PLCG2: variants seen among roughly 807,000 people sequenced by gnomAD.
PLCG2 encodes phospholipase C gamma 2.
A neutral mutation model predicts 175.6 loss-of-function variants in PLCG2; 69 were observed. The ratio of observed to expected loss-of-function variants is 0.39; its 90% CI spans 0.32 to 0.48. The LOEUF is 0.48. PLCG2 is among the 20% of genes least tolerant of loss of function. The probability of loss-of-function intolerance (pLI) is 0.91; values close to 1 mark genes in which losing one functional copy is unlikely to be tolerated. For synonymous variants in PLCG2, 827 were observed against 624.0 expected (o/e 1.33, Z -4.85); for missense variants, 1,798 against 1,650.9 (o/e 1.09, Z -1.54).
At chr16:81,872,648 GT>G (rs1162985831) in intron 7 of PLCG2, among the ~76,000 whole-genome samples, 5 of 152,386 alleles carry the variant, frequency 3.3e-5, no homozygotes, top group Admixed American at 2.0e-4. Context: ...GGCTGCTGTT[GT>G]TGCTGTCAGG....
chr16:81,899,755 A>T (rs9930679), intron 13 of PLCG2, among the ~76,000 whole-genome samples: 10,069 of 152,304 alleles, frequency 0.066, 381 homozygotes, highest in African/African-American at 0.082. Context: ...CACCTGTGTC[A>T]GATACGCTTG....
chr16:81,900,560 T>G (rs144809332), intron 13 of PLCG2, 52 bp from the exon 14 acceptor site: 64 of 1,511,032 alleles, frequency 4.2e-5, no homozygotes, highest in Admixed American at 2.4e-4. Flanking sequence ...GTGGGGCAGA[T>G]GCAGAGGTGT....
chr16:81,802,406 C>G (rs1911772218), intron 2 of PLCG2, among the ~76,000 whole-genome samples: 1 of 151,860 alleles, frequency 6.6e-6, no homozygotes, highest in Non-Finnish European at 1.5e-5. Context: ...GCCACCGCGC[C>G]CGGCCTCAGG....
At chr16:81,804,789 C>T (rs749451273) in intron 2 of PLCG2, among the ~76,000 whole-genome samples, 1 of 152,168 alleles carries the variant, frequency 6.6e-6, no homozygotes, top group Admixed American at 6.5e-5. Context: ...TCAGTTACCT[C>T]CTAAGAGGAA....
intron 3 of PLCG2, among the ~76,000 whole-genome samples, chr16:81,855,464 G>C (rs142470341): frequency 4.9e-3 from 747 of 152,322 alleles, no homozygotes; most frequent in Middle Eastern, 0.01. Context: ...TGTCAAAGTT[G>C]AGCAATATAG....
rs905546047 is a variant in PLCG2, at chr16:81,815,994, G to A, written c.193+29812G>A. Among the ~76,000 whole-genome samples the A allele has an allele frequency of 2.0e-5, 3 of 152,054 alleles. No individual in the cohort carries two copies. In the East Asian group the frequency reaches 5.8e-4, roughly 29 times the overall value. On this transcript the variant is annotated intron_variant, in intron 2 of 32. Transcript: ENST00000564138. The stretch of plus-strand genomic sequence containing the variant: ...AGAGAATTGCTTGAACCCGGGAGGT[G>A]GAGGTTGCGGTGAGCCGAGATTGTG...
chr16:81,935,915 A>G (rs890189715), intron 26 of PLCG2: 2 of 985,294 alleles, frequency 2.0e-6, no homozygotes, highest in African/African-American at 3.5e-5. Context: ...TAGTTTAAAA[A>G]AAAAAGTAAA....
At position 81,895,722 on chromosome 16, in the gene PLCG2, C is replaced by T. The variant is rs982443294; in HGVS notation, c.1073-85C>T. The T allele has an allele frequency of 3.4e-6, 5 of 1,490,508 alleles. No homozygotes were observed. In the African/African-American group the frequency reaches 6.9e-5, roughly 20 times the overall value. 92.3% of individuals were successfully genotyped at this position (1,490,508 alleles called of 1,614,324 possible). A position where few individuals can be genotyped will look rare whatever the true frequency, so the allele number is the denominator to read the frequency against. On this transcript the variant is annotated intron_variant, in intron 12 of 32. Coordinates refer to ENST00000564138, the MANE Select transcript of PLCG2 (RefSeq NM_002661.5). Reference sequence around the variant, plus strand: ...GAGTGTGGGTGTCCTTGTCTAGTAACTGAACTGGTGTGTGGGCCGGGGGCT... The same window carrying T: ...GAGTGTGGGTGTCCTTGTCTAGTAATTGAACTGGTGTGTGGGCCGGGGGCT...
Position 81,946,203 on chromosome 16 carries a change from G to A in PLCG2, c.3510G>A (p.Gly1170=), listed in dbSNP as rs1050757858. ...SGFRSVPLKN[G]YSEDIELASL... Reference sequence around the variant, plus strand: ...TCAGGTCCGTTCCTCTGAAGAATGGGTACAGCGAGGACATAGAGCTGGCTT... The same window carrying A: ...TCAGGTCCGTTCCTCTGAAGAATGGATACAGCGAGGACATAGAGCTGGCTT... Residue 1170 remains glycine, a synonymous_variant, in exon 31 of 33, where the codon GGG becomes GGA. Coordinates refer to ENST00000564138, the MANE Select transcript of PLCG2 (RefSeq NM_002661.5). The A allele has an allele frequency of 3.1e-6, 5 of 1,613,750 alleles. No homozygotes were observed. The highest frequency in any genetic ancestry group is 4.2e-6 in the Non-Finnish European group (5 of 1,179,782).
chr16:81,908,198 C>T (rs1422595431), intron 16 of PLCG2, among the ~76,000 whole-genome samples: 3 of 152,174 alleles, frequency 2.0e-5, no homozygotes, highest in Non-Finnish European at 1.5e-5. Flanking sequence ...TCTCAGGATG[C>T]CAGGAGGCCA....
chr16:81,897,570 G>C (rs1348971670), intron 13 of PLCG2, among the ~76,000 whole-genome samples: 2 of 138,176 alleles, frequency 1.4e-5, no homozygotes, highest in Non-Finnish European at 3.1e-5. Flanking sequence ...TTTTGAGATG[G>C]AGTCTCCCTC....
chr16:81,833,644 C>G (rs1459660615), intron 2 of PLCG2, among the ~76,000 whole-genome samples: 1 of 151,922 alleles, frequency 6.6e-6, no homozygotes, highest in Non-Finnish European at 1.5e-5. Context: ...ATGCTCCTAC[C>G]TCATCCTCCT....
At chr16:81,887,444 A>G (rs1390497929) in intron 9 of PLCG2, among the ~76,000 whole-genome samples, 1 of 152,116 alleles carries the variant, frequency 6.6e-6, no homozygotes, top group African/African-American at 2.4e-5. Flanking sequence ...ATATCCCACA[A>G]TTTGGGTTTC....
intron 1 of PLCG2, among the ~76,000 whole-genome samples, chr16:81,782,142 C>T (rs1686005147): frequency 1.3e-5 from 2 of 152,216 alleles, no homozygotes; most frequent in South Asian, 4.1e-4. Flanking sequence ...TCCCAAAGTG[C>T]TGGAATTACA....
At chr16:81,777,143 G>A (rs920187822), upstream of PLCG2, among the ~76,000 whole-genome samples, 5 of 152,210 alleles carry the variant, frequency 3.3e-5, no homozygotes, top group South Asian at 4.1e-4. Context: ...TGTTCTTCAT[G>A]TTCTTATTTT....
chr16:81,914,177 C>T (rs900297981), intron 19 of PLCG2, among the ~76,000 whole-genome samples: 5 of 152,234 alleles, frequency 3.3e-5, no homozygotes, highest in African/African-American at 1.2e-4. Context: ...TGCTGTCATC[C>T]TGTGCAAATG....
chr16:81,816,695 T>G (rs1423028858), intron 2 of PLCG2, among the ~76,000 whole-genome samples: 1 of 117,894 alleles, frequency 8.5e-6, no homozygotes, highest in Non-Finnish European at 1.6e-5. Flanking sequence ...AGAGGTGGGA[T>G]CTCACTATGT....
chr16:81,831,847 C>G (rs1348271994), intron 2 of PLCG2, among the ~76,000 whole-genome samples: 1 of 152,224 alleles, frequency 6.6e-6, no homozygotes, highest in African/African-American at 2.4e-5. Flanking sequence ...CTAGCCATCC[C>G]CCAACTTTGG....
chr16:81,956,850 C>T lies in PLCG2; in HGVS notation c.3726C>T (p.Leu1242=), dbSNP rs76506409. The change falls in exon 32 of 33, where the codon CTC becomes CTT. Residue 1242 remains leucine (L), a synonymous_variant. Coordinates refer to ENST00000564138, the MANE Select transcript of PLCG2 (RefSeq NM_002661.5). The part of the protein sequence containing the change: ...VKEFSVNENQ[L]QLYQEKCNKR... The stretch of plus-strand genomic sequence containing the variant: ...AGTTCAGTGTTAATGAGAACCAGCT[C>T]CAGCTGTACCAGGAGAAATGCAACA... The T allele has an allele frequency of 1.9e-6, 3 of 1,613,892 alleles. No individual in the cohort carries two copies. The South Asian group carries it at 3.3e-5, about 18-fold the overall frequency.
Sources: allele counts gnomAD v4.1 joint callset (sites outside exome capture counted in the v4.1 genomes callset), GRCh38; gene constraint gnomAD v4.1.1; transcripts MANE v1.5; gene names NCBI Gene and HGNC (gene_info 2026-07-23, HGNC 2026-07-21).